Variants in PTPRD observed in about 807,000 individuals in gnomAD.
PTPRD encodes the protein protein tyrosine phosphatase receptor type D.
PTPRD carries 34 observed loss-of-function variants against 214.5 expected under a neutral mutation model. The ratio of observed to expected loss-of-function variants is 0.16; its 90% CI spans 0.12 to 0.21. The LOEUF (loss-of-function observed/expected upper bound fraction) is 0.21. Ranked by LOEUF, PTPRD falls within the 10% of genes least tolerant of loss-of-function variation. The probability of loss-of-function intolerance (pLI) is 1.00; values close to 1 mark genes in which losing one functional copy is unlikely to be tolerated. For synonymous variants in PTPRD, 1,128 were observed against 845.7 expected (o/e 1.33, Z -5.79); for missense variants, 2,545 against 2,398.7 (o/e 1.06, Z -1.27).
At chr9:8,398,649 A>T (rs915700922) in intron 36 of PTPRD, among the ~76,000 whole-genome samples, 5 of 152,150 alleles carry the variant, frequency 3.3e-5, no homozygotes, top group Non-Finnish European at 7.4e-5. Context: ...GGATCCTTAT[A>T]AAAAAGCTTG....
intron 2 of PTPRD, among the ~76,000 whole-genome samples, chr9:10,599,221 A>C (rs1027164838): frequency 2.0e-5 from 3 of 151,682 alleles, no homozygotes; most frequent in Non-Finnish European, 4.4e-5. Flanking sequence ...ACGAATGACC[A>C]TGAAAAAAAC....
At chr9:9,547,872 A>C (rs2079173524) in intron 8 of PTPRD, among the ~76,000 whole-genome samples, 1 of 151,770 alleles carries the variant, frequency 6.6e-6, no homozygotes, top group Non-Finnish European at 1.5e-5. Context: ...TAAAAATGAA[A>C]CATAATGAGA....
At chr9:10,574,813 C>T (rs201111785) in intron 2 of PTPRD, among the ~76,000 whole-genome samples, 2 of 136,396 alleles carry the variant, frequency 1.5e-5, no homozygotes, top group East Asian at 2.2e-4. Context: ...TATGTGTGTG[C>T]ATATATATAT....
At chr9:10,195,156 G>C (rs1319055590) in intron 3 of PTPRD, among the ~76,000 whole-genome samples, 2 of 140,924 alleles carry the variant, frequency 1.4e-5, no homozygotes, top group Non-Finnish European at 3.0e-5. Context: ...CACTATGTTG[G>C]CCAGGCTGGT....
chr9:9,496,950 A>G (rs982353655), intron 8 of PTPRD, among the ~76,000 whole-genome samples: 5 of 152,336 alleles, frequency 3.3e-5, no homozygotes, highest in African/African-American at 9.6e-5. Flanking sequence ...ATGCTACAAC[A>G]TGGATTTTGA....
intron 10 of PTPRD, among the ~76,000 whole-genome samples, chr9:9,046,110 ATTATC>A (rs1279095710): frequency 2.0e-5 from 3 of 152,200 alleles, no homozygotes; most frequent in Non-Finnish European, 4.4e-5. Flanking sequence ...CAGAAACTTT[ATTATC>A]TATATCTTTC....
At position 8,618,092 on chromosome 9, in the gene PTPRD, G is replaced by A. The variant is rs142157320; in HGVS notation, c.352+15225C>T. The stretch of plus-strand genomic sequence containing the variant: ...GAGGATCTTCTCACTGCTGCTTTCC[G>A]CAGTCTTAATTTGCAGATGCTTTTG... On this transcript the variant is annotated intron_variant, in intron 14 of 45. Transcript: ENST00000381196. Among the ~76,000 whole-genome samples the A allele has an allele frequency of 2.4e-3, 367 of 152,146 alleles. 4 individuals carry two copies. Among genetic ancestry groups the A allele is most frequent in the African/African-American group, 8.4e-3 (350 of 41,502 alleles).
chr9:8,338,195 G>GTCTT (rs369793947), intron 43 of PTPRD, among the ~76,000 whole-genome samples: 266 of 152,186 alleles, frequency 1.7e-3, no homozygotes, highest in African/African-American at 6.2e-3. Context: ...CACAAGGCAG[G>GTCTT]TCTTTGAACT....
chr9:8,761,731 G>T (rs1204647538), intron 11 of PTPRD, among the ~76,000 whole-genome samples: 1 of 152,116 alleles, frequency 6.6e-6, no homozygotes, highest in Non-Finnish European at 1.5e-5. Context: ...GACGAGAAAT[G>T]AAAAGATGTA....
chr9:8,945,095 C>A (rs2099055722), intron 11 of PTPRD, among the ~76,000 whole-genome samples: 1 of 151,834 alleles, frequency 6.6e-6, no homozygotes, highest in South Asian at 2.1e-4. Flanking sequence ...GGAAAGAAAA[C>A]CACAGCAATC....
At chr9:9,958,327 C>G (rs1021505513) in intron 4 of PTPRD, among the ~76,000 whole-genome samples, 1 of 152,096 alleles carries the variant, frequency 6.6e-6, no homozygotes, top group African/African-American at 2.4e-5. Flanking sequence ...GTCAGGAGTT[C>G]AAGGCCAGCC....
At chr9:9,525,183 A>G (rs1159671893) in intron 8 of PTPRD, among the ~76,000 whole-genome samples, 1 of 152,128 alleles carries the variant, frequency 6.6e-6, no homozygotes, top group Non-Finnish European at 1.5e-5. Context: ...TAGAAACTGA[A>G]TATCATGCAC....
At chr9:10,570,056 A>T (rs1469113017) in intron 2 of PTPRD, among the ~76,000 whole-genome samples, 1 of 152,146 alleles carries the variant, frequency 6.6e-6, no homozygotes, top group Admixed American at 6.5e-5. Flanking sequence ...CAAATGTATA[A>T]AGTGTAAAAT....
intron 9 of PTPRD, among the ~76,000 whole-genome samples, chr9:9,371,448 C>T (rs1418490635): frequency 4.6e-5 from 7 of 152,058 alleles, no homozygotes; most frequent in Non-Finnish European, 2.9e-5. Context: ...TCTGTGGGAT[C>T]GGTGGTAATA....
intron 3 of PTPRD, among the ~76,000 whole-genome samples, chr9:10,185,542 T>A (rs1379091298): frequency 1.3e-5 from 2 of 152,188 alleles, no homozygotes; most frequent in East Asian, 3.8e-4. Context: ...GAATGGCTGT[T>A]ATCTGCGTTT....
chr9:10,483,264 A>C (rs1163828632), intron 2 of PTPRD, among the ~76,000 whole-genome samples: 2 of 152,082 alleles, frequency 1.3e-5, no homozygotes, highest in African/African-American at 4.8e-5. Context: ...CTTATTTCTC[A>C]CCATGTACAA....
At chr9:9,352,043 A>G (rs1397414806) in intron 9 of PTPRD, among the ~76,000 whole-genome samples, 1 of 151,886 alleles carries the variant, frequency 6.6e-6, no homozygotes, top group Non-Finnish European at 1.5e-5. Context: ...CTTAGCCCCA[A>G]GGAATCCTCC....
chr9:8,336,899 T>A (rs1330216991), intron 43 of PTPRD, among the ~76,000 whole-genome samples: 5 of 152,202 alleles, frequency 3.3e-5, no homozygotes, highest in Non-Finnish European at 7.3e-5. Context: ...CACAATGAGA[T>A]ACCATCTTAC....
chr9:9,764,853 T>C (rs947222041), intron 6 of PTPRD, among the ~76,000 whole-genome samples: 1 of 152,182 alleles, frequency 6.6e-6, no homozygotes, highest in African/African-American at 2.4e-5. Context: ...CTAGGAAATG[T>C]TCTAGTTTTC....
Sources: gnomAD v4.1 joint callset for allele counts (sites outside exome capture counted in the v4.1 genomes callset) on GRCh38, gnomAD v4.1.1 for gene constraint, MANE v1.5 for transcripts, NCBI Gene and HGNC (gene_info 2026-07-23, HGNC 2026-07-21) for gene names.